The following PRR16 variants were observed in gnomAD, a reference collection of about 807,000 sequenced individuals.
PRR16 encodes proline rich 16, also known as protein Largen.
Under a neutral mutation model 18.2 loss-of-function variants are expected in PRR16, and 6 were observed. The observed-to-expected ratio is 0.33, with a 90% confidence interval of 0.18 to 0.65. The LOEUF (loss-of-function observed/expected upper bound fraction) is 0.65, where lower values mean the gene tolerates loss of function less well. PRR16 is among the 30% of genes least tolerant of loss of function. PRR16 has a pLI of 0.74. For missense variants in PRR16, 412 were observed against 376.6 expected (o/e 1.09, Z -0.78); for synonymous variants, 151 against 147.8 (o/e 1.02, Z -0.16).
chr5:120,694,605 A>AC, the PRR16 span, among the ~76,000 whole-genome samples: 1 of 149,522 alleles, frequency 6.7e-6, no homozygotes, highest in Non-Finnish European at 1.5e-5. Flanking sequence ...AATGGCGTGA[A>AC]CCCCAGGGGG....
intron 1 of PRR16, among the ~76,000 whole-genome samples, chr5:120,583,841 G>A (rs559089989): frequency 3.9e-4 from 60 of 152,156 alleles, no homozygotes; most frequent in Non-Finnish European, 8.4e-4. Flanking sequence ...TAATCATTTA[G>A]GCAATTGACC....
intron 1 of PRR16, among the ~76,000 whole-genome samples, chr5:120,627,006 G>A (rs186247115): frequency 3.9e-5 from 6 of 152,212 alleles, no homozygotes; most frequent in African/African-American, 1.4e-4. Context: ...TATAAAGGAA[G>A]AGCTGCAAAG....
chr5:120,472,435 T>TC (rs201460999), intron 1 of PRR16, among the ~76,000 whole-genome samples: 12 of 151,890 alleles, frequency 7.9e-5, no homozygotes, highest in Admixed American at 2.6e-4. Context: ...ATAGTCTCCC[T>TC]CCCCCCATAT....
At chr5:120,669,654 A>T (rs1184148678) in intron 1 of PRR16, among the ~76,000 whole-genome samples, 1 of 152,090 alleles carries the variant, frequency 6.6e-6, no homozygotes, top group Non-Finnish European at 1.5e-5. Context: ...ATTACCCAGC[A>T]TATTTTAAGA....
chr5:120,537,769 G>GTTAT lies in PRR16; in HGVS notation c.159+73126_159+73127insATTT, dbSNP rs1561536413. Among the ~76,000 whole-genome samples the GTTAT allele has an allele frequency of 6.5e-4, 75 of 115,140 alleles. 8 individuals carry two copies. Among genetic ancestry groups the GTTAT allele is most frequent in the East Asian group, 1.0e-3 (4 of 4,002 alleles). The allele number at this position is 115,140 out of a possible 152,430, so 75.5% of individuals were successfully genotyped here. On this transcript the variant is annotated intron_variant, in intron 1 of 1. Coordinates refer to ENST00000407149, the MANE Select transcript of PRR16 (RefSeq NM_001300783.2). ...ACCCATATAACTTGGAATTTTTAAT[G>GTTAT]TTTTTTTTTTTTTTTTTTTTTTTTT...
chr5:120,532,622 A>G (rs1489875856), intron 1 of PRR16, among the ~76,000 whole-genome samples: 1 of 152,126 alleles, frequency 6.6e-6, no homozygotes, highest in Non-Finnish European at 1.5e-5. Flanking sequence ...TAAAAGTCTT[A>G]TAATGTACAA....
At chr5:120,671,499 G>A (rs1370390382) in intron 1 of PRR16, among the ~76,000 whole-genome samples, 1 of 151,998 alleles carries the variant, frequency 6.6e-6, no homozygotes, top group Non-Finnish European at 1.5e-5. Flanking sequence ...ATATGCCTGA[G>A]ATATGAAGGA....
chr5:120,579,716 G>C (rs1753203509), intron 1 of PRR16, among the ~76,000 whole-genome samples: 2 of 152,250 alleles, frequency 1.3e-5, no homozygotes, highest in South Asian at 2.1e-4. Context: ...TGTCTTGGCT[G>C]TATGGGGCCT....
chr5:120,638,870 A>T (rs944441580), intron 1 of PRR16, among the ~76,000 whole-genome samples: 5 of 152,108 alleles, frequency 3.3e-5, no homozygotes, highest in Non-Finnish European at 5.9e-5. Flanking sequence ...TAATGGCCCC[A>T]ATATAATGAA....
the PRR16 span, among the ~76,000 whole-genome samples, chr5:120,791,534 TC>T: frequency 5.9e-5 from 9 of 152,084 alleles, no homozygotes; most frequent in Admixed American, 5.9e-4. Flanking sequence ...AGGTCACTAA[TC>T]CTAAGTGTTC....
intron 1 of PRR16, among the ~76,000 whole-genome samples, chr5:120,591,844 G>C (rs1056952203): frequency 2.0e-5 from 3 of 151,992 alleles, no homozygotes; most frequent in Non-Finnish European, 2.9e-5. Context: ...AATGCAGAAG[G>C]GCTGAGGAGT....
chr5:120,753,921 T>C, the PRR16 span, among the ~76,000 whole-genome samples: 38 of 67,556 alleles, frequency 5.6e-4, no homozygotes, highest in African/African-American at 1.7e-3. Flanking sequence ...TCTATAAATG[T>C]ATATAAATAT....
At chr5:120,532,377 T>G (rs1459646717) in intron 1 of PRR16, among the ~76,000 whole-genome samples, 3 of 152,100 alleles carry the variant, frequency 2.0e-5, no homozygotes, top group Admixed American at 2.0e-4. Context: ...TTATTTAAGT[T>G]TATGGGCTAG....
chr5:120,524,026 A>C (rs992214321), intron 1 of PRR16, among the ~76,000 whole-genome samples: 1 of 152,140 alleles, frequency 6.6e-6, no homozygotes, highest in Non-Finnish European at 1.5e-5. Flanking sequence ...CCAAACTAGA[A>C]AGAGAAAACT....
chr5:120,590,321 T>C (rs1753591090), intron 1 of PRR16, among the ~76,000 whole-genome samples: 1 of 152,150 alleles, frequency 6.6e-6, no homozygotes, highest in African/African-American at 2.4e-5. Flanking sequence ...TCCTTCTGTG[T>C]CCTAAAGTTA....
intron 1 of PRR16, among the ~76,000 whole-genome samples, chr5:120,483,306 G>T (rs1375708603): frequency 6.6e-6 from 1 of 152,048 alleles, no homozygotes. Flanking sequence ...GAGAAATAAA[G>T]CCTTCTTATA....
chr5:120,579,575 T>G (rs910416035), intron 1 of PRR16, among the ~76,000 whole-genome samples: 35 of 152,162 alleles, frequency 2.3e-4, no homozygotes, highest in African/African-American at 8.4e-4. Context: ...TGTGTGGTAT[T>G]CTTTCTGAGT....
chr5:120,753,101 G>A, the PRR16 span, among the ~76,000 whole-genome samples: 1 of 152,000 alleles, frequency 6.6e-6, no homozygotes, highest in Non-Finnish European at 1.5e-5. Context: ...AGTTAGCAGA[G>A]CAATGAGTGA....
the PRR16 span, among the ~76,000 whole-genome samples, chr5:120,782,200 T>C: frequency 6.6e-6 from 1 of 152,144 alleles, no homozygotes; most frequent in African/African-American, 2.4e-5. Flanking sequence ...GATTAAACCA[T>C]CAATTTGCAA....
Sources: gnomAD v4.1 joint callset for allele counts (sites outside exome capture counted in the v4.1 genomes callset) on GRCh38, gnomAD v4.1.1 for gene constraint, MANE v1.5 for transcripts, NCBI Gene and HGNC (gene_info 2026-07-23, HGNC 2026-07-21) for gene names.